Variants in ERP44 observed in about 807,000 individuals in gnomAD.
The protein encoded by ERP44 is endoplasmic reticulum protein 44, also known as endoplasmic reticulum resident protein 44.
Under a neutral mutation model 53.4 loss-of-function variants are expected in ERP44, and 25 were observed. That is an observed-to-expected ratio of 0.47 (90% CI 0.34 to 0.65). The LOEUF is 0.65. ERP44 is among the 30% of genes least tolerant of loss of function. The pLI is 0.01. For missense variants in ERP44, 338 were observed against 493.2 expected (o/e 0.69, Z 2.98); for synonymous variants, 145 against 161.2 (o/e 0.90, Z 0.76).
At position 100,053,274 on chromosome 9, in the gene ERP44, T is replaced by C. The variant is rs112177475; in HGVS notation, c.171-742A>G. ...TACAGTAAGTCCAGAAGCAAATATC[T>C]TAAATTCCTAACCAAGACTTCCTGT... is the stretch of plus-strand genomic sequence containing the variant. On this transcript the variant is annotated intron_variant, in intron 3 of 11. Coordinates refer to ENST00000262455, the MANE Select transcript of ERP44 (RefSeq NM_015051.3). Among the ~76,000 whole-genome samples the C allele has an allele frequency of 2.1e-3, 316 of 152,306 alleles. 2 individuals are homozygous for C. Among genetic ancestry groups the C allele is most frequent in the African/African-American group, 7.2e-3 (301 of 41,562 alleles).
At chr9:100,006,106 T>A (rs1830422873) in intron 10 of ERP44, among the ~76,000 whole-genome samples, 1 of 152,228 alleles carries the variant, frequency 6.6e-6, no homozygotes, top group Non-Finnish European at 1.5e-5. Flanking sequence ...AAGTCACGAA[T>A]GAACAGCAAT....
At chr9:100,089,635 C>T (rs1287545600) in intron 1 of ERP44, among the ~76,000 whole-genome samples, 1 of 150,548 alleles carries the variant, frequency 6.6e-6, no homozygotes, top group Non-Finnish European at 1.5e-5. Context: ...AAAGCGCTTC[C>T]TTAAGTGAAA....
At position 100,016,317 on chromosome 9, in the gene ERP44, C is replaced by CA; in HGVS notation, c.762+4dup. The CA allele has an allele frequency of 6.2e-7, 1 of 1,606,512 alleles. No individual in the cohort carries two copies. The highest frequency in any genetic ancestry group is 8.5e-7 in the Non-Finnish European group (1 of 1,177,580). On this transcript the variant is annotated splice_donor_region_variant and intron_variant, in intron 8 of 11. Coordinates refer to ENST00000262455, the MANE Select transcript of ERP44 (RefSeq NM_015051.3). ...AAGTAACAATGCACAGTAGAAAGCC[C>CA]ATACCTCTCCATTTTCAAATGTTAT... is the stretch of plus-strand genomic sequence containing the variant.
chr9:100,070,880 GT>G (rs1826294531), intron 1 of ERP44, among the ~76,000 whole-genome samples: 1 of 152,102 alleles, frequency 6.6e-6, no homozygotes, highest in South Asian at 2.1e-4. Flanking sequence ...GAGACAAGGA[GT>G]TAAGCACAAG....
At chr9:100,025,539 C>T (rs887929192) in intron 4 of ERP44, among the ~76,000 whole-genome samples, 9 of 151,870 alleles carry the variant, frequency 5.9e-5, no homozygotes, top group Non-Finnish European at 1.3e-4. Context: ...CTCTCAAAAG[C>T]AGAAAAACAT....
At chr9:100,002,706 T>C (rs149605747) in intron 10 of ERP44, among the ~76,000 whole-genome samples, 1 of 151,758 alleles carries the variant, frequency 6.6e-6, no homozygotes, top group Admixed American at 6.6e-5. Flanking sequence ...GCTGCTTTCA[T>C]AATCTTCTCT....
intron 1 of ERP44, among the ~76,000 whole-genome samples, chr9:100,076,008 A>G (rs1319727050): frequency 6.6e-6 from 1 of 152,164 alleles, no homozygotes; most frequent in East Asian, 1.9e-4. Flanking sequence ...AGGCCCCTAT[A>G]GGTGAATCAC....
chr9:100,053,954 T>A (rs1016310333), intron 3 of ERP44, among the ~76,000 whole-genome samples: 1 of 152,212 alleles, frequency 6.6e-6, no homozygotes, highest in African/African-American at 2.4e-5. Context: ...AATAAAAATA[T>A]TGGAAAGCCT....
At chr9:100,046,079 A>G (rs912268881) in intron 4 of ERP44, among the ~76,000 whole-genome samples, 3 of 152,216 alleles carry the variant, frequency 2.0e-5, no homozygotes, top group African/African-American at 7.2e-5. Context: ...AAAAATTAAA[A>G]TTTAACAATC....
At chr9:100,043,778 G>A (rs1483255594) in intron 4 of ERP44, among the ~76,000 whole-genome samples, 8 of 151,804 alleles carry the variant, frequency 5.3e-5, no homozygotes, top group Non-Finnish European at 1.0e-4. Flanking sequence ...AAAAATTCTT[G>A]TAATCCATAA....
intron 3 of ERP44, 130 bp from the exon 4 acceptor site, chr9:100,052,662 A>G: frequency 2.0e-6 from 1 of 512,292 alleles, no homozygotes; most frequent in South Asian, 2.6e-5. Context: ...CACTTAATTT[A>G]ATCATGGACC....
Position 100,018,294 on chromosome 9 carries a change from T to C in ERP44, c.607A>G (p.Arg203Gly), listed in dbSNP as rs1830546244. The change falls in exon 7 of 12, where the codon AGA becomes GGA. Residue 203 changes from arginine to glycine, a missense_variant. By Grantham distance (125) the Arg-to-Gly change is moderately radical. Coordinates refer to ENST00000262455, the MANE Select transcript of ERP44 (RefSeq NM_015051.3). ...SAFGDVSKPE[R>G]YSGDNIIYKP... ...TAGATTATGTTGTCGCCACTATATC[T>C]TTCCGGTTTTGAAACATCCCTATAG... 2 of 1,607,490 alleles carry C rather than the reference T, an allele frequency of 1.2e-6. No homozygotes were observed. The highest frequency in any genetic ancestry group is 1.1e-5 in the South Asian group (1 of 90,958).
chr9:100,068,625 C>T (rs1169980950), intron 1 of ERP44, among the ~76,000 whole-genome samples: 3 of 142,012 alleles, frequency 2.1e-5, no homozygotes, highest in African/African-American at 7.9e-5. Flanking sequence ...GTGGGGGGGT[C>T]AGCCCCCCAC....
chr9:100,043,669 C>G (rs1825937844), intron 4 of ERP44, among the ~76,000 whole-genome samples: 2 of 151,862 alleles, frequency 1.3e-5, no homozygotes, highest in South Asian at 4.2e-4. Flanking sequence ...GCACAAGAAT[C>G]GCTTGACCAC....
chr9:100,028,250 A>ACAT (rs1830674356), intron 4 of ERP44, among the ~76,000 whole-genome samples: 1 of 152,216 alleles, frequency 6.6e-6, no homozygotes, highest in African/African-American at 2.4e-5. Flanking sequence ...TGCACTGACC[A>ACAT]GCAAGCATAT....
chr9:100,069,205 G>C (rs940810801), intron 1 of ERP44, among the ~76,000 whole-genome samples: 30 of 150,728 alleles, frequency 2.0e-4, no homozygotes, highest in African/African-American at 7.1e-4. Context: ...TTGTTCACTT[G>C]TTTATCTGCT....
At chr9:100,068,777 C>G (rs1490308162) in intron 1 of ERP44, among the ~76,000 whole-genome samples, 4 of 152,208 alleles carry the variant, frequency 2.6e-5, no homozygotes, top group African/African-American at 9.6e-5. Context: ...CCAGCCGCCC[C>G]GTCTGGGAGG....
intron 1 of ERP44, among the ~76,000 whole-genome samples, chr9:100,068,088 G>GC (rs546828413): frequency 2.8e-5 from 4 of 142,098 alleles, no homozygotes; most frequent in African/African-American, 1.1e-4. Flanking sequence ...GGGGGAGTCA[G>GC]CCCCCCGCCC....
At chr9:100,031,025 A>T (rs992807880) in intron 4 of ERP44, among the ~76,000 whole-genome samples, 1 of 152,160 alleles carries the variant, frequency 6.6e-6, no homozygotes, top group African/African-American at 2.4e-5. Context: ...CAGAGTGGCT[A>T]CTGTAGCGAA....
Sources: gnomAD v4.1 joint callset for allele counts (sites outside exome capture counted in the v4.1 genomes callset) on GRCh38, gnomAD v4.1.1 for gene constraint, MANE v1.5 for transcripts, NCBI Gene and HGNC (gene_info 2026-07-23, HGNC 2026-07-21) for gene names.